PHF21B: variants seen among roughly 807,000 people sequenced by gnomAD.
PHF21B encodes PHD finger protein 21B.
PHF21B carries 22 observed loss-of-function variants against 62.2 expected under a neutral mutation model. The observed-to-expected ratio is 0.35, with a 90% confidence interval of 0.25 to 0.51. The LOEUF is 0.51. PHF21B is among the 20% of genes least tolerant of loss of function. The pLI, the probability that PHF21B is intolerant of heterozygous loss-of-function variation, is 0.97. For synonymous variants in PHF21B, 341 were observed against 314.7 expected (o/e 1.08, Z -0.88); for missense variants, 701 against 707.9 (o/e 0.99, Z 0.11).
rs11914117 is a variant in PHF21B, at chr22:44,985,794, G to A, written c.120+22751C>T. Among the ~76,000 whole-genome samples the A allele has an allele frequency of 1.7e-3, 251 of 152,072 alleles. 1 individual carries two copies. The highest frequency in any genetic ancestry group is 5.6e-3 in the African/African-American group (232 of 41,472). On this transcript the variant is annotated intron_variant, in intron 2 of 12. Transcript: ENST00000313237. ...CATGACCACCACTGATGTTATCACCGTAGCTATCAACACCATCACCATCAC... is the reference window on the plus strand; with the variant it reads ...CATGACCACCACTGATGTTATCACCATAGCTATCAACACCATCACCATCAC...
Position 45,008,442 on chromosome 22 carries a change from G to A in PHF21B, c.120+103C>T, listed in dbSNP as rs1044735637. The stretch of plus-strand genomic sequence containing the variant: ...GAACTGGAGACAGACCCCTCTGGGA[G>A]TCTGAGCGTGCGTCGCCCAGGCTGG... On this transcript the variant is annotated intron_variant, in intron 2 of 12. Transcript: ENST00000313237. 2.7e-6 allele frequency: 3 copies of A among 1,131,886 alleles called. No homozygotes were observed. In the South Asian group the frequency reaches 5.3e-5, roughly 20 times the overall value. The allele number at this position is 1,131,886 out of a possible 1,614,324, so 70.1% of individuals were successfully genotyped here.
At chr22:45,005,602 G>A (rs2073301505) in intron 2 of PHF21B, among the ~76,000 whole-genome samples, 1 of 152,208 alleles carries the variant, frequency 6.6e-6, no homozygotes, top group South Asian at 2.1e-4. Context: ...CTAAGGGCAT[G>A]AATGAGAAAT....
intron 5 of PHF21B, among the ~76,000 whole-genome samples, chr22:44,910,759 T>C (rs2071330871): frequency 6.6e-6 from 1 of 152,188 alleles, no homozygotes; most frequent in South Asian, 2.1e-4. Flanking sequence ...CAGTGTAAAA[T>C]GGACTAATAC....
intron 2 of PHF21B, among the ~76,000 whole-genome samples, chr22:44,967,474 G>A (rs966440437): frequency 1.3e-5 from 2 of 152,110 alleles, no homozygotes; most frequent in African/African-American, 4.8e-5. Flanking sequence ...GCCTGCCTCG[G>A]CCTCCCAAAG....
chr22:45,004,487 T>C (rs533035681), intron 2 of PHF21B, among the ~76,000 whole-genome samples: 13 of 152,374 alleles, frequency 8.5e-5, no homozygotes, highest in African/African-American at 2.6e-4. Flanking sequence ...GATCTTCCCC[T>C]AGCAGTATTA....
chr22:44,890,709 C>T (rs867485703), intron 8 of PHF21B, among the ~76,000 whole-genome samples: 3 of 152,382 alleles, frequency 2.0e-5, no homozygotes, highest in African/African-American at 4.8e-5. Flanking sequence ...AGGTCCTGCA[C>T]TGGGGCACGG....
At chr22:44,955,986 C>T (rs532205190) in intron 2 of PHF21B, among the ~76,000 whole-genome samples, 2 of 152,172 alleles carry the variant, frequency 1.3e-5, no homozygotes, top group African/African-American at 4.8e-5. Flanking sequence ...CCCTGGCCCA[C>T]GACAGGGAGG....
chr22:44,911,853 A>G (rs5766182), intron 5 of PHF21B, among the ~76,000 whole-genome samples: 63,631 of 152,048 alleles, frequency 0.42, 13,681 homozygotes, highest in East Asian at 0.67. Context: ...TAGATCCACC[A>G]ACAGCTCGTA....
At chr22:44,927,167 G>A (rs1478534610) in intron 2 of PHF21B, among the ~76,000 whole-genome samples, 2 of 152,054 alleles carry the variant, frequency 1.3e-5, no homozygotes, top group Non-Finnish European at 2.9e-5. Context: ...GACAGGAAGA[G>A]CTATTTCCAC....
chr22:44,923,720 T>G (rs566270533), intron 2 of PHF21B, among the ~76,000 whole-genome samples: 13 of 152,084 alleles, frequency 8.5e-5, no homozygotes, highest in African/African-American at 3.1e-4. Context: ...GATACTCCAC[T>G]AAAGAAGATA....
chr22:44,981,396 G>C (rs143216642), intron 2 of PHF21B, among the ~76,000 whole-genome samples: 7 of 152,312 alleles, frequency 4.6e-5, no homozygotes, highest in African/African-American at 1.4e-4. Flanking sequence ...CACCAAGTTG[G>C]AGTTTACTGA....
chr22:44,980,157 G>A (rs1472437105), intron 2 of PHF21B, among the ~76,000 whole-genome samples: 3 of 150,904 alleles, frequency 2.0e-5, no homozygotes, highest in Non-Finnish European at 4.4e-5. Context: ...CATTTGCGAA[G>A]CTGTGCAACC....
Position 44,966,846 on chromosome 22 carries a change from G to T in PHF21B, c.120+41699C>A, listed in dbSNP as rs73427777. ...GGCTCCCAGAGCAGTGCCCACACTC[G>T]AGTTAGTGCATTATATAGATAGATA... On this transcript the variant is annotated intron_variant, in intron 2 of 12. Transcript: ENST00000313237. Among the ~76,000 whole-genome samples, 15 of 152,264 alleles carry T rather than the reference G, an allele frequency of 9.9e-5. No homozygotes were observed. The East Asian group carries it at 2.7e-3, about 27-fold the overall frequency.
intron 3 of PHF21B, among the ~76,000 whole-genome samples, chr22:44,919,701 T>A (rs1330554233): frequency 1.3e-5 from 2 of 152,246 alleles, no homozygotes; most frequent in Non-Finnish European, 2.9e-5. Flanking sequence ...AAAGCTGAGC[T>A]TGTGGTAATA....
chr22:44,986,196 ACCG>A (rs1284605560), intron 2 of PHF21B, among the ~76,000 whole-genome samples: 5 of 151,714 alleles, frequency 3.3e-5, no homozygotes, highest in Non-Finnish European at 7.4e-5. Context: ...CAGCAGCATC[ACCG>A]CCACTACCAT....
At chr22:44,984,173 C>T (rs1350204515) in intron 2 of PHF21B, among the ~76,000 whole-genome samples, 4 of 148,588 alleles carry the variant, frequency 2.7e-5, no homozygotes, top group Admixed American at 6.7e-5. Context: ...ACCATCATCA[C>T]CATCACAACC....
chr22:44,924,811 G>A (rs575515104), intron 2 of PHF21B, among the ~76,000 whole-genome samples: 1 of 152,118 alleles, frequency 6.6e-6, no homozygotes, highest in African/African-American at 2.4e-5. Context: ...CTAAGCATTC[G>A]CCAAGAGAAG....
At chr22:44,909,608 C>T (rs368688434) in intron 5 of PHF21B, among the ~76,000 whole-genome samples, 4 of 152,266 alleles carry the variant, frequency 2.6e-5, no homozygotes, top group East Asian at 3.8e-4. Flanking sequence ...TAAAGCTCCA[C>T]TTTGTCAGCC....
At chr22:44,949,030 C>T (rs909975330) in intron 2 of PHF21B, among the ~76,000 whole-genome samples, 135 of 152,186 alleles carry the variant, frequency 8.9e-4, no homozygotes, top group African/African-American at 3.1e-3. Context: ...GGGCCGGGCG[C>T]GGTGGCTCAC....
Sources: gnomAD v4.1 joint callset for allele counts (sites outside exome capture counted in the v4.1 genomes callset) on GRCh38, gnomAD v4.1.1 for gene constraint, MANE v1.5 for transcripts, NCBI Gene and HGNC (gene_info 2026-07-23, HGNC 2026-07-21) for gene names.